The following MYCBP2 variants were observed in gnomAD, a reference collection of about 807,000 sequenced individuals.
MYCBP2 encodes the protein E3 ubiquitin-protein ligase MYCBP2.
A neutral mutation model predicts 525.3 loss-of-function variants in MYCBP2; 120 were observed. The ratio of observed to expected loss-of-function variants is 0.23; its 90% CI spans 0.20 to 0.27. The LOEUF is 0.27. Ranked by LOEUF, MYCBP2 falls within the 10% of genes least tolerant of loss-of-function variation. The pLI is 1.00. For synonymous variants in MYCBP2, 1,894 were observed against 1,955.8 expected (o/e 0.97, Z 0.83); for missense variants, 4,149 against 5,657.1 (o/e 0.73, Z 8.55).
intron 40 of MYCBP2, among the ~76,000 whole-genome samples, chr13:77,166,992 CA>C (rs2058607952): frequency 6.7e-6 from 1 of 149,686 alleles, no homozygotes; most frequent in Admixed American, 6.7e-5. Context: ...CACACACACA[CA>C]CACACACACA....
chr13:77,302,691 T>C (rs978940725), intron 1 of MYCBP2, among the ~76,000 whole-genome samples: 36 of 152,274 alleles, frequency 2.4e-4, no homozygotes, highest in African/African-American at 7.0e-4. Context: ...AATGAAAGGA[T>C]ACATGCTAAA....
intron 26 of MYCBP2, among the ~76,000 whole-genome samples, chr13:77,198,162 T>G (rs929801680): frequency 6.6e-6 from 1 of 152,212 alleles, no homozygotes; most frequent in Non-Finnish European, 1.5e-5. Context: ...TTTAAAGCAG[T>G]TGCACTGAAA....
intron 17 of MYCBP2, among the ~76,000 whole-genome samples, chr13:77,234,189 T>C (rs2067547924): frequency 6.6e-6 from 1 of 152,006 alleles, no homozygotes; most frequent in South Asian, 2.1e-4. Flanking sequence ...TTTAGGTTTT[T>C]TTCTTATACA....
rs760169688 is a variant in MYCBP2 at position 77,153,114 on chromosome 13, G to A, written c.6916-2165C>T. ...TCTGCTGTATTCACGCATTCATCGC[G>A]TTTCAAACCATTCATATGACCTGAT... is the stretch of plus-strand genomic sequence containing the variant. On this transcript the variant is annotated intron_variant, in intron 46 of 82. Transcript: ENST00000544440. 5.0e-4 allele frequency among the ~76,000 whole-genome samples: 75 copies of A among 150,266 alleles called. 1 individual carries two copies. Among genetic ancestry groups the A allele is most frequent in the Non-Finnish European group, 8.9e-4 (60 of 67,718 alleles).
In MYCBP2 at chr13:77,178,100, T is replaced by C; in HGVS notation, c.5134-146A>G. 6 of 616,416 alleles carry C rather than the reference T, an allele frequency of 9.7e-6. No individual in the cohort carries two copies. In the South Asian group the frequency reaches 1.2e-4, roughly 12 times the overall value. 38.2% of individuals were successfully genotyped at this position (616,416 alleles called of 1,614,324 possible). ...AGGTATGTTCTACTGAGAGATTAAC[T>C]CACAATAAAACCAGATTTTATCATT... On this transcript the variant is annotated intron_variant, in intron 34 of 82. Transcript: ENST00000544440.
At chr13:77,255,968 G>A (rs998065116) in intron 14 of MYCBP2, among the ~76,000 whole-genome samples, 1 of 151,988 alleles carries the variant, frequency 6.6e-6, no homozygotes, top group Non-Finnish European at 1.5e-5. Flanking sequence ...CATAACGATA[G>A]CAGCTAGATA....
At chr13:77,126,621 T>TA in intron 52 of MYCBP2, 79 bp from the exon 53 acceptor site, 1 of 1,074,882 alleles carries the variant, frequency 9.3e-7, no homozygotes, top group East Asian at 2.6e-5. Flanking sequence ...TAATAGCTTT[T>TA]ATAGCAAGTC....
At chr13:77,307,026 T>C (rs2079518741) in intron 1 of MYCBP2, among the ~76,000 whole-genome samples, 1 of 152,054 alleles carries the variant, frequency 6.6e-6, no homozygotes, top group Admixed American at 6.5e-5. Flanking sequence ...ACAGACTCCA[T>C]AGGTGGATTT....
chr13:77,119,393 A>G (rs1185902158), intron 55 of MYCBP2, among the ~76,000 whole-genome samples: 2 of 152,160 alleles, frequency 1.3e-5, no homozygotes, highest in Admixed American at 1.3e-4. Flanking sequence ...ATATGTGAAA[A>G]TTTCAACTGA....
intron 52 of MYCBP2, among the ~76,000 whole-genome samples, chr13:77,127,723 G>A (rs2051938469): frequency 6.6e-6 from 1 of 151,758 alleles, no homozygotes; most frequent in South Asian, 2.1e-4. Flanking sequence ...ATGTATACAT[G>A]TTCATACACA....
intron 17 of MYCBP2, among the ~76,000 whole-genome samples, chr13:77,238,135 C>T (rs1343930875): frequency 6.8e-6 from 1 of 147,186 alleles, no homozygotes; most frequent in South Asian, 2.2e-4. Context: ...CCCAGCTACT[C>T]GGGAGGCTGA....
At position 77,180,491 on chromosome 13, in the gene MYCBP2, T is replaced by C. The variant is rs115690425; in HGVS notation, c.4942-173A>G. Among the ~76,000 whole-genome samples the C allele has an allele frequency of 2.4e-3, 366 of 152,364 alleles. 5 individuals carry two copies. Among genetic ancestry groups the C allele is most frequent in the African/African-American group, 8.6e-3 (356 of 41,580 alleles). ...CCACTTTTCACTTAGAAGTTCTTTTTTGAATTATCTGTCTCTGCGTATCAA... is the reference window on the plus strand; with the variant it reads ...CCACTTTTCACTTAGAAGTTCTTTTCTGAATTATCTGTCTCTGCGTATCAA... On this transcript the variant is annotated intron_variant, in intron 33 of 82. Coordinates refer to ENST00000544440, the MANE Select transcript of MYCBP2 (RefSeq NM_015057.5).
intron 14 of MYCBP2, among the ~76,000 whole-genome samples, chr13:77,252,298 A>T (rs2154330244): frequency 6.6e-6 from 1 of 152,306 alleles, no homozygotes; most frequent in East Asian, 1.9e-4. Flanking sequence ...TGTAAAATCA[A>T]TTTTTAGCTT....
At chr13:77,100,816 A>C (rs138454562) in intron 55 of MYCBP2, among the ~76,000 whole-genome samples, 5 of 152,060 alleles carry the variant, frequency 3.3e-5, no homozygotes, top group African/African-American at 1.2e-4. Context: ...GTATTAACAG[A>C]TGGGGCTAAG....
At position 77,194,226 on chromosome 13, in the gene MYCBP2, C is replaced by T; in HGVS notation, c.3862G>A (p.Asp1288Asn). ...AKIKLFELGP[D>N]GGDHETDGDL... Reference sequence around the variant, plus strand: ...CCATCAGTTTCATGATCTCCTCCATCAGGACCCAATTCAAACAGCTAAGGA... The same window carrying T: ...CCATCAGTTTCATGATCTCCTCCATTAGGACCCAATTCAAACAGCTAAGGA... Residue 1288 changes from aspartate (D) to asparagine (N), a missense_variant, in exon 27 of 83, where the codon GAT becomes AAT. Transcript: ENST00000544440. The T allele has an allele frequency of 6.2e-7, 1 of 1,613,154 alleles. No homozygotes were observed. Among genetic ancestry groups the T allele is most frequent in the Non-Finnish European group, 8.5e-7 (1 of 1,179,302 alleles).
In MYCBP2 at chr13:77,140,956, T is replaced by C. The variant is rs1215199902; in HGVS notation, c.7304-13A>G. ...TCCAGACCAGCATCTGTCAGAAAAA[T>C]CAGAGAACTGTAACATTTGAGAAAA... On this transcript the variant is annotated splice_polypyrimidine_tract_variant and intron_variant, in intron 49 of 82. Coordinates refer to ENST00000544440, the MANE Select transcript of MYCBP2 (RefSeq NM_015057.5). 2 of 1,567,152 alleles carry C rather than the reference T, an allele frequency of 1.3e-6. No individual in the cohort carries two copies. Among genetic ancestry groups the C allele is most frequent in the East Asian group, 2.2e-5 (1 of 44,462 alleles).
chr13:77,240,194 G>C (rs1425643792), intron 17 of MYCBP2, among the ~76,000 whole-genome samples: 1 of 152,172 alleles, frequency 6.6e-6, no homozygotes, highest in Non-Finnish European at 1.5e-5. Flanking sequence ...TATCAGAATA[G>C]ATTTTTAATT....
intron 1 of MYCBP2, among the ~76,000 whole-genome samples, chr13:77,311,817 T>C (rs2080270458): frequency 6.6e-6 from 1 of 152,078 alleles, no homozygotes; most frequent in African/African-American, 2.4e-5. Flanking sequence ...ACTAGAATTT[T>C]GTAAGGTCAG....
At chr13:77,051,655 A>T (rs2036844745) in intron 81 of MYCBP2, among the ~76,000 whole-genome samples, 156 bp downstream of exon 81, 1 of 152,250 alleles carries the variant, frequency 6.6e-6, no homozygotes, top group African/African-American at 2.4e-5. Flanking sequence ...AGGAAATAAT[A>T]TATATGAAAT....
Sources: gnomAD v4.1 joint callset for allele counts (sites outside exome capture counted in the v4.1 genomes callset) on GRCh38, gnomAD v4.1.1 for gene constraint, MANE v1.5 for transcripts, NCBI Gene and HGNC (gene_info 2026-07-23, HGNC 2026-07-21) for gene names.